The following SLCO6A1 variants were observed in gnomAD, a reference collection of about 807,000 sequenced individuals.
SLCO6A1 encodes cancer/testis antigen 48.
A neutral mutation model predicts 72.7 loss-of-function variants in SLCO6A1; 65 were observed. The ratio of observed to expected loss-of-function variants is 0.89; its 90% CI spans 0.73 to 1.10. SLCO6A1 has a LOEUF of 1.10. SLCO6A1 is among the 50% of genes least tolerant of loss of function. The probability of loss-of-function intolerance (pLI) is 0.00; values close to 1 mark genes in which losing one functional copy is unlikely to be tolerated. For missense variants in SLCO6A1, 874 were observed against 872.6 expected, an observed-to-expected ratio of 1.00 and a Z score of -0.02; for synonymous variants, 314 against 298.2, an observed-to-expected ratio of 1.05 and a Z score of -0.55.
intron 8 of SLCO6A1, among the ~76,000 whole-genome samples, chr5:102,417,672 CAT>C (rs1339703019): frequency 1.3e-5 from 2 of 152,136 alleles, no homozygotes; most frequent in African/African-American, 4.8e-5. Context: ...TATTTATCCA[CAT>C]AGTTAACATT....
In SLCO6A1 at chr5:102,398,211, C is replaced by G. The variant is rs193068336; in HGVS notation, c.1814+1344G>C. 4.0e-4 allele frequency among the ~76,000 whole-genome samples: 61 copies of G among 152,132 alleles called. No individual in the cohort carries two copies. The East Asian group carries it at 0.011, about 28-fold the overall frequency. ...TTATTTATTTTTTTTCAGAGTCTCA[C>G]TCTGGCACACAGGCTGGAGTGCAGT... is the stretch of plus-strand genomic sequence containing the variant. On this transcript the variant is annotated intron_variant, in intron 10 of 13. Transcript: ENST00000506729.
chr5:102,493,171 A>ACTG, intron 1 of SLCO6A1, among the ~76,000 whole-genome samples: 1 of 18,718 alleles, frequency 5.3e-5, no homozygotes, highest in East Asian at 6.5e-4. Flanking sequence ...ATTTAGCGAA[A>ACTG]CTATTACCTG....
chr5:102,423,280 C>T (rs760374629), intron 7 of SLCO6A1, among the ~76,000 whole-genome samples: 2 of 152,138 alleles, frequency 1.3e-5, no homozygotes, highest in African/African-American at 2.4e-5. Context: ...ACAATATTAA[C>T]CTTAAATGTA....
At chr5:102,447,174 T>C (rs1750159347) in intron 6 of SLCO6A1, among the ~76,000 whole-genome samples, 3 of 152,228 alleles carry the variant, frequency 2.0e-5, no homozygotes, top group Admixed American at 2.0e-4. Context: ...ATTTAGTGAT[T>C]TGTGTATGTT....
At chr5:102,388,656 T>C (rs531748131) in intron 12 of SLCO6A1, 32 bp downstream of exon 12, 2 of 1,399,792 alleles carry the variant, frequency 1.4e-6, no homozygotes, top group Non-Finnish European at 1.9e-6. Flanking sequence ...AATAATTTTA[T>C]TTCTCTAAGT....
chr5:102,381,054 AT>A (rs1746077984), intron 12 of SLCO6A1, among the ~76,000 whole-genome samples: 1 of 151,958 alleles, frequency 6.6e-6, no homozygotes, highest in African/African-American at 2.4e-5. Flanking sequence ...TATTTAATAT[AT>A]TTATCACATT....
At chr5:102,415,639 T>C (rs1309771226) in intron 8 of SLCO6A1, among the ~76,000 whole-genome samples, 1 of 152,132 alleles carries the variant, frequency 6.6e-6, no homozygotes, top group Non-Finnish European at 1.5e-5. Context: ...CTTTCAGACA[T>C]TGGTCTAGGC....
At chr5:102,378,420 C>T (rs1224001299) in intron 12 of SLCO6A1, among the ~76,000 whole-genome samples, 1 of 152,012 alleles carries the variant, frequency 6.6e-6, no homozygotes, top group Non-Finnish European at 1.5e-5. Context: ...AGTCATAAGC[C>T]ACCATGCCTG....
At chr5:102,413,211 T>C (rs1748088306) in intron 8 of SLCO6A1, 68 bp from the exon 9 acceptor site, 4 of 1,400,910 alleles carry the variant, frequency 2.9e-6, no homozygotes, top group Admixed American at 5.3e-5. Context: ...AATGTCAAGA[T>C]ATCAGTGAGA....
At chr5:102,401,122 T>G (rs1747375636) in intron 9 of SLCO6A1, among the ~76,000 whole-genome samples, 1 of 152,052 alleles carries the variant, frequency 6.6e-6, no homozygotes, top group Non-Finnish European at 1.5e-5. Flanking sequence ...AAGTGATATT[T>G]GAGCTGAGAT....
chr5:102,456,883 G>A (rs1750749732), intron 6 of SLCO6A1, among the ~76,000 whole-genome samples: 1 of 152,136 alleles, frequency 6.6e-6, no homozygotes, highest in Admixed American at 6.6e-5. Context: ...AAAACAGCAT[G>A]GTACTGGTAC....
chr5:102,396,281 C>G (rs1561426631), intron 10 of SLCO6A1, among the ~76,000 whole-genome samples: 1 of 152,034 alleles, frequency 6.6e-6, no homozygotes. Flanking sequence ...TTTCCCAGCA[C>G]CATTTATTAA....
At chr5:102,391,654 C>T (rs996341221) in intron 10 of SLCO6A1, among the ~76,000 whole-genome samples, 2 of 151,960 alleles carry the variant, frequency 1.3e-5, no homozygotes, top group Admixed American at 1.3e-4. Context: ...TGTTTCTCTT[C>T]GGGCCTGGAG....
In SLCO6A1 at chr5:102,445,727, A is replaced by G. The variant is rs186138491; in HGVS notation, c.1132-6966T>C. On this transcript the variant is annotated intron_variant, in intron 6 of 13. Coordinates refer to ENST00000506729, the MANE Select transcript of SLCO6A1 (RefSeq NM_173488.5). ...GATTTTACTTTTAAATATTTAATCC[A>G]TCTTAAGTTGATTTTTGTATATGGT... 2.5e-3 allele frequency among the ~76,000 whole-genome samples: 377 copies of G among 152,258 alleles called. 1 individual carries two copies. The highest frequency in any genetic ancestry group is 4.4e-3 in the Non-Finnish European group (300 of 68,008).
At chr5:102,459,563 A>T in intron 5 of SLCO6A1, 93 bp downstream of exon 5, 3 of 1,338,544 alleles carry the variant, frequency 2.2e-6, no homozygotes, top group Non-Finnish European at 2.0e-6. Flanking sequence ...TACTCATTTT[A>T]TTAAAAATGT....
At chr5:102,498,035 C>A (rs1195635650) in intron 1 of SLCO6A1, among the ~76,000 whole-genome samples, 1 of 152,064 alleles carries the variant, frequency 6.6e-6, no homozygotes, top group Non-Finnish European at 1.5e-5. Context: ...CCATCCCACC[C>A]AGGAACAGAA....
chr5:102,402,519 C>CT (rs1439186787), intron 9 of SLCO6A1, among the ~76,000 whole-genome samples: 6 of 152,060 alleles, frequency 3.9e-5, no homozygotes, highest in Admixed American at 6.6e-5. Flanking sequence ...ATGCCACAGA[C>CT]TGAGTAACTT....
intron 12 of SLCO6A1, among the ~76,000 whole-genome samples, chr5:102,383,049 A>G (rs1232449944): frequency 6.9e-6 from 1 of 144,866 alleles, no homozygotes; most frequent in Non-Finnish European, 1.5e-5. Context: ...ATGTATATAT[A>G]TGACACTCTA....
At chr5:102,442,392 C>T (rs180716174) in intron 6 of SLCO6A1, among the ~76,000 whole-genome samples, 46 of 152,188 alleles carry the variant, frequency 3.0e-4, no homozygotes, top group South Asian at 1.9e-3. Flanking sequence ...TATCTGTAAA[C>T]GAGAAACAAT....
Sources: allele counts gnomAD v4.1 joint callset (sites outside exome capture counted in the v4.1 genomes callset), GRCh38; gene constraint gnomAD v4.1.1; transcripts MANE v1.5; gene names NCBI Gene and HGNC (gene_info 2026-07-23, HGNC 2026-07-21).